Variants in TTLL5 observed in about 807,000 individuals in gnomAD.
TTLL5 encodes tubulin tyrosine ligase like 5, also known as tubulin polyglutamylase TTLL5.
Under a neutral mutation model 168.4 loss-of-function variants are expected in TTLL5, and 132 were observed. The ratio of observed to expected loss-of-function variants is 0.78; its 90% confidence interval spans 0.68 to 0.91. The LOEUF (loss-of-function observed/expected upper bound fraction) is 0.91. Ranked by LOEUF, TTLL5 falls within the 40% of genes least tolerant of loss-of-function variation. The pLI is 0.00. For synonymous variants in TTLL5, 546 were observed against 558.6 expected (o/e 0.98, Z 0.32); for missense variants, 1,545 against 1,581.5 (o/e 0.98, Z 0.39).
intron 29 of TTLL5, among the ~76,000 whole-genome samples, chr14:75,869,821 A>ATTTTGTTTTTTTTTTTTTTT (rs2030864662): frequency 1.2e-5 from 1 of 82,416 alleles, no homozygotes; most frequent in Admixed American, 1.9e-4. Context: ...TTCAACAAGT[A>ATTTTGTTTTTTTTTTTTTTT]TTTTTTTTTT....
chr14:75,916,293 G>A (rs2033612443), intron 31 of TTLL5, among the ~76,000 whole-genome samples: 2 of 152,080 alleles, frequency 1.3e-5, no homozygotes, highest in South Asian at 4.2e-4. Context: ...TGTTGGGAAT[G>A]GAAGATGGTG....
intron 29 of TTLL5, 63 bp from the exon 30 acceptor site, chr14:75,882,622 C>A: frequency 7.0e-7 from 1 of 1,434,406 alleles, no homozygotes; most frequent in Non-Finnish European, 9.6e-7. Context: ...AGACTAGTTA[C>A]ATACAGTAAA....
intron 9 of TTLL5, chr14:75,709,249 C>T (rs1426072340): frequency 2.6e-6 from 2 of 759,886 alleles, no homozygotes; most frequent in Non-Finnish European, 4.8e-6. Flanking sequence ...GGTGCTTTGA[C>T]AGATATTATT....
chr14:75,771,645 C>A, intron 20 of TTLL5, 89 bp from the exon 21 acceptor site: 1 of 1,567,202 alleles, frequency 6.4e-7, no homozygotes, highest in Admixed American at 1.8e-5. Flanking sequence ...ATAGAAGCAT[C>A]CTCAAAGGCC....
Position 75,745,446 on chromosome 14 carries a change from C to T in TTLL5, c.1396-44C>T, listed in dbSNP as rs201829757. ...CTTTGTCCTATAGCCACATGGACTC[C>T]GGTTTTCAAAATAGGTACTCATTTT... On this transcript the variant is annotated intron_variant, in intron 16 of 31. Transcript: ENST00000298832. 171 of 1,592,422 alleles carry T rather than the reference C, an allele frequency of 1.1e-4. No individual in the cohort carries two copies. In the East Asian group the frequency reaches 3.2e-3, roughly 29 times the overall value.
At chr14:75,804,050 C>T (rs554989337) in intron 27 of TTLL5, among the ~76,000 whole-genome samples, 1 of 152,304 alleles carries the variant, frequency 6.6e-6, no homozygotes, top group East Asian at 1.9e-4. Context: ...AACGAATGTG[C>T]TGTGTCAGTC....
chr14:75,827,356 A>G (rs1462209553), intron 28 of TTLL5, among the ~76,000 whole-genome samples: 1 of 152,194 alleles, frequency 6.6e-6, no homozygotes, highest in African/African-American at 2.4e-5. Context: ...TTGTGAAGTA[A>G]GTACCCACTT....
chr14:75,854,259 T>C (rs1002434800), intron 28 of TTLL5, among the ~76,000 whole-genome samples: 1 of 152,244 alleles, frequency 6.6e-6, no homozygotes, highest in African/African-American at 2.4e-5. Flanking sequence ...CTGTGCCTGT[T>C]CATGAATGGA....
intron 27 of TTLL5, among the ~76,000 whole-genome samples, chr14:75,816,453 G>A (rs578136308): frequency 6.6e-6 from 1 of 152,168 alleles, no homozygotes; most frequent in Non-Finnish European, 1.5e-5. Context: ...ATTGCACATA[G>A]TGAGTGTTCC....
At chr14:75,782,433 A>AATT (rs1892114066) in intron 24 of TTLL5, 54 bp from the exon 25 acceptor site, 1 of 1,396,054 alleles carries the variant, frequency 7.2e-7, no homozygotes, top group Non-Finnish European at 1.0e-6. Flanking sequence ...TGTATAGAAC[A>AATT]GCGGACTTGC....
chr14:75,947,446 A>G (rs1348909573), intron 31 of TTLL5, among the ~76,000 whole-genome samples: 1 of 152,208 alleles, frequency 6.6e-6, no homozygotes, highest in Non-Finnish European at 1.5e-5. Flanking sequence ...AAAGTGCTCA[A>G]CCTTTTCTCG....
At chr14:75,742,743 G>T (rs1787007618) in intron 15 of TTLL5, among the ~76,000 whole-genome samples, 1 of 152,192 alleles carries the variant, frequency 6.6e-6, no homozygotes, top group Admixed American at 6.5e-5. Flanking sequence ...GGTGAACTAG[G>T]TAAGTATTTT....
chr14:75,789,722 T>C (rs183325143), intron 26 of TTLL5, among the ~76,000 whole-genome samples: 324 of 152,254 alleles, frequency 2.1e-3, no homozygotes, highest in Non-Finnish European at 4.3e-3. Context: ...AACAAAAATT[T>C]AAATAAATGG....
intron 9 of TTLL5, chr14:75,710,885 A>G (rs979544410): frequency 6.6e-6 from 1 of 152,204 alleles, no homozygotes; most frequent in African/African-American, 2.4e-5. Context: ...GAAAAACCAT[A>G]ATCTTTCCTA....
At chr14:75,809,192 A>G (rs79368943) in intron 27 of TTLL5, among the ~76,000 whole-genome samples, 1 of 152,072 alleles carries the variant, frequency 6.6e-6, no homozygotes, top group African/African-American at 2.4e-5. Flanking sequence ...CAAACTTATA[A>G]ATTTGCATTA....
intron 31 of TTLL5, among the ~76,000 whole-genome samples, chr14:75,943,153 C>A (rs1372926798): frequency 6.6e-6 from 1 of 152,108 alleles, no homozygotes; most frequent in African/African-American, 2.4e-5. Context: ...GGGAAAAATG[C>A]AGTAACATCG....
chr14:75,716,929 C>T (rs1307398249), intron 9 of TTLL5, among the ~76,000 whole-genome samples: 1 of 152,164 alleles, frequency 6.6e-6, no homozygotes, highest in East Asian at 1.9e-4. Flanking sequence ...AGGACTAAGT[C>T]TCTTGCACTG....
In TTLL5 at chr14:75,820,032, G is replaced by A; in HGVS notation, c.3197G>A (p.Gly1066Asp). 4 of 1,603,760 alleles carry A rather than the reference G, an allele frequency of 2.5e-6. No homozygotes were observed. The highest frequency in any genetic ancestry group is 3.4e-6 in the Non-Finnish European group (4 of 1,175,834). The change falls in exon 28 of 32, where the codon GGC becomes GAC. Residue 1066 changes from glycine (G) to aspartate (D), a missense_variant. By Grantham distance (94) the Gly-to-Asp change is moderately conservative. Coordinates refer to ENST00000298832, the MANE Select transcript of TTLL5 (RefSeq NM_015072.5). ...QQVTNLNLAT[G>D]IINRSSASAP... ...GTAACAAACCTGAATTTGGCAACTG[G>A]CATCATAAACAGAAGCAGTGCTTCA...
Position 75,720,765 on chromosome 14 carries a change from T to G in TTLL5, c.1042+62T>G. ...GAGGATCTTGGGAAGTTGGACGGGA[T>G]TTTAGGGTAGAGAGGCTTAGTGATT... is the stretch of plus-strand genomic sequence containing the variant. On this transcript the variant is annotated intron_variant, in intron 12 of 31. Coordinates refer to ENST00000298832, the MANE Select transcript of TTLL5 (RefSeq NM_015072.5). 2.0e-5 allele frequency: 28 copies of G among 1,380,492 alleles called. No homozygotes were observed. The South Asian group carries it at 3.3e-4, about 16-fold the overall frequency. The allele number at this position is 1,380,492 out of a possible 1,614,324, so 85.5% of individuals were successfully genotyped here.
Sources: allele counts gnomAD v4.1 joint callset (sites outside exome capture counted in the v4.1 genomes callset), GRCh38; gene constraint gnomAD v4.1.1; transcripts MANE v1.5; gene names NCBI Gene and HGNC (gene_info 2026-07-23, HGNC 2026-07-21).